The following C12orf54 variants were observed in gnomAD, a reference collection of about 807,000 sequenced individuals.
C12orf54 encodes the protein uncharacterized protein C12orf54.
In C12orf54, 24 loss-of-function variants were observed where a neutral mutation model predicts 26.4. That is an observed-to-expected ratio of 0.91 (90% CI 0.66 to 1.28). The LOEUF (loss-of-function observed/expected upper bound fraction) is 1.28. Ranked by LOEUF, C12orf54 falls within the 50% of genes most tolerant of loss-of-function variation. The pLI is 0.00. For synonymous variants in C12orf54, 54 were observed against 47.0 expected, an observed-to-expected ratio of 1.15 and a Z score of -0.61; for missense variants, 154 against 150.9, an observed-to-expected ratio of 1.02 and a Z score of -0.11.
chr12:48,446,396 C>T, the C12orf54 span, among the ~76,000 whole-genome samples: 1 of 152,200 alleles, frequency 6.6e-6, no homozygotes, highest in Non-Finnish European at 1.5e-5. Flanking sequence ...TTCTTTCATA[C>T]TTCCCCTGGC....
At chr12:48,488,041 C>T (rs901580059) in intron 4 of C12orf54, 13 of 967,386 alleles carry the variant, frequency 1.3e-5, no homozygotes, top group Admixed American at 6.8e-5. Flanking sequence ...CCTAAGCACC[C>T]GGAGCTGGCA....
the C12orf54 span, chr12:48,473,270 C>T: frequency 1.7e-4 from 184 of 1,073,036 alleles, 2 homozygotes; most frequent in South Asian, 1.3e-3. Context: ...AAGAGGAGGA[C>T]GTGAGTGGAG....
intron 6 of C12orf54, 127 bp from the exon 7 acceptor site, chr12:48,492,820 T>C: frequency 2.6e-6 from 2 of 764,950 alleles, no homozygotes. Context: ...TGTTAGGTGG[T>C]CAGTGTCCCT....
chr12:48,495,571 C>T (rs1203535235), intron 8 of C12orf54: 1 of 152,630 alleles, frequency 6.6e-6, no homozygotes, highest in Non-Finnish European at 1.5e-5. Context: ...ACACCTAACC[C>T]ACCTGGAGAA....
chr12:48,476,766 A>C, the C12orf54 span, among the ~76,000 whole-genome samples: 2 of 152,176 alleles, frequency 1.3e-5, no homozygotes, highest in African/African-American at 4.8e-5. Context: ...GAGACCTACA[A>C]ACAGACTTAG....
the C12orf54 span, among the ~76,000 whole-genome samples, chr12:48,418,384 T>A: frequency 6.6e-6 from 1 of 152,200 alleles, no homozygotes; most frequent in Non-Finnish European, 1.5e-5. Flanking sequence ...TTCAATATTT[T>A]TATTATTAAT....
At chr12:48,429,106 A>G in the C12orf54 span, among the ~76,000 whole-genome samples, 1 of 152,200 alleles carries the variant, frequency 6.6e-6, no homozygotes, top group Non-Finnish European at 1.5e-5. Context: ...GCATTCGACA[A>G]AAATCCAGCA....
chr12:48,414,201 T>C, the C12orf54 span, among the ~76,000 whole-genome samples: 1 of 152,244 alleles, frequency 6.6e-6, no homozygotes, highest in Non-Finnish European at 1.5e-5. Context: ...TGCTGTGCAA[T>C]GAAAAGTCTG....
the C12orf54 span, among the ~76,000 whole-genome samples, chr12:48,456,979 T>C: frequency 6.6e-6 from 1 of 152,156 alleles, no homozygotes; most frequent in Non-Finnish European, 1.5e-5. Flanking sequence ...AATATTTAGA[T>C]GTGATCCTAC....
the C12orf54 span, among the ~76,000 whole-genome samples, chr12:48,470,775 C>A: frequency 1.3e-5 from 2 of 151,746 alleles, no homozygotes; most frequent in East Asian, 1.9e-4. Flanking sequence ...CCTAGGTTTT[C>A]TTCTAGAATT....
intron 4 of C12orf54, among the ~76,000 whole-genome samples, chr12:48,486,929 C>A (rs986712081): frequency 3.3e-5 from 5 of 152,126 alleles, no homozygotes; most frequent in African/African-American, 9.7e-5. Flanking sequence ...TGTTAGTGCC[C>A]CTTCCTGGCA....
the C12orf54 span, among the ~76,000 whole-genome samples, chr12:48,433,407 C>A: frequency 8.7e-5 from 13 of 149,772 alleles, no homozygotes; most frequent in African/African-American, 3.0e-4. Context: ...TTTCTTGACT[C>A]ACAACTTACA....
the C12orf54 span, among the ~76,000 whole-genome samples, chr12:48,420,378 T>C: frequency 6.6e-6 from 1 of 152,358 alleles, no homozygotes; most frequent in African/African-American, 2.4e-5. Context: ...GACAGGTTTC[T>C]TCCTGAATAT....
the C12orf54 span, among the ~76,000 whole-genome samples, chr12:48,462,738 C>T: frequency 8.6e-5 from 13 of 151,544 alleles, no homozygotes; most frequent in Non-Finnish European, 7.4e-5. Context: ...TTCAACTTGA[C>T]AAAGGAGATC....
chr12:48,489,953 C>A (rs1247923892), intron 5 of C12orf54, among the ~76,000 whole-genome samples: 1 of 152,002 alleles, frequency 6.6e-6, no homozygotes, highest in South Asian at 2.1e-4. Flanking sequence ...AACTCCTGAC[C>A]TCAGGTGATC....
chr12:48,490,773 G>A, intron 5 of C12orf54, 39 bp from the exon 6 acceptor site: 1 of 1,612,320 alleles, frequency 6.2e-7, no homozygotes, highest in Non-Finnish European at 8.5e-7. Flanking sequence ...CAGGAGACCA[G>A]CCCCCATCAT....
At chr12:48,459,682 C>T in the C12orf54 span, among the ~76,000 whole-genome samples, 2 of 152,164 alleles carry the variant, frequency 1.3e-5, no homozygotes, top group Non-Finnish European at 2.9e-5. Flanking sequence ...ATCGTAATTA[C>T]AGTTGCAGTT....
chr12:48,438,038 A>C, the C12orf54 span, among the ~76,000 whole-genome samples: 7 of 152,336 alleles, frequency 4.6e-5, no homozygotes, highest in African/African-American at 9.6e-5. Flanking sequence ...TTAAGCTGAT[A>C]AGCAACTTCA....
At chr12:48,428,685 C>G in the C12orf54 span, among the ~76,000 whole-genome samples, 1 of 151,934 alleles carries the variant, frequency 6.6e-6, no homozygotes, top group Non-Finnish European at 1.5e-5. Flanking sequence ...TTAAAAATTA[C>G]CAACGAAAAA....
Sources: gnomAD v4.1 joint callset for allele counts (sites outside exome capture counted in the v4.1 genomes callset) on GRCh38, gnomAD v4.1.1 for gene constraint, MANE v1.5 for transcripts, NCBI Gene and HGNC (gene_info 2026-07-23, HGNC 2026-07-21) for gene names.